Variants in NAV3 observed in about 807,000 individuals in gnomAD.
NAV3 encodes neuron navigator 3, also known as pore membrane and/or filament interacting like protein 1.
Under a neutral mutation model 244.7 loss-of-function variants are expected in NAV3, and 87 were observed. The ratio of observed to expected loss-of-function variants is 0.36; its 90% CI spans 0.30 to 0.42. The LOEUF is 0.42. Among genes scored for constraint, NAV3 ranks in the 20% least tolerant of loss-of-function variants. The pLI is 1.00. For synonymous variants in NAV3, 1,126 were observed against 1,042.2 expected, an observed-to-expected ratio of 1.08 and a Z score of -1.55; for missense variants, 2,663 against 2,893.3, an observed-to-expected ratio of 0.92 and a Z score of 1.83.
At chr12:77,875,949 G>A (rs1160454796) in intron 1 of NAV3, among the ~76,000 whole-genome samples, 3 of 151,902 alleles carry the variant, frequency 2.0e-5, no homozygotes, top group Admixed American at 2.0e-4. Flanking sequence ...TAACTTTGTG[G>A]CTCAGGTCCT....
intron 1 of NAV3, among the ~76,000 whole-genome samples, chr12:77,878,508 C>T (rs141641419): frequency 3.3e-5 from 5 of 152,026 alleles, no homozygotes; most frequent in African/African-American, 7.2e-5. Context: ...GGGTTACAGG[C>T]GTGAACCACC....
At chr12:77,987,279 C>T (rs544078242) in intron 5 of NAV3, among the ~76,000 whole-genome samples, 1 of 152,236 alleles carries the variant, frequency 6.6e-6, no homozygotes, top group Non-Finnish European at 1.5e-5. Context: ...GAACGGAGTA[C>T]AGCTTATGGA....
chr12:78,211,522 C>CT lies in NAV3; in HGVS notation c.*1007dup, dbSNP rs1278761419. Reference sequence around the variant, plus strand: ...TAGGAGAAAGATCAGTATTTTTAGCCTTGTGAATAGATCGCTTTGCCTATC... The same window carrying CT: ...TAGGAGAAAGATCAGTATTTTTAGCCTTTGTGAATAGATCGCTTTGCCTATC... On this transcript the variant is annotated 3_prime_UTR_variant, in exon 40 of 40. Transcript: ENST00000397909. 6.7e-6 allele frequency: 1 copy of CT among 148,206 alleles called. No individual in the cohort carries two copies. Among genetic ancestry groups the CT allele is most frequent in the Admixed American group, 6.8e-5 (1 of 14,610 alleles). 9.2% of individuals were successfully genotyped at this position (148,206 alleles called of 1,614,324 possible).
At chr12:78,097,336 T>G (rs1954305204) in intron 12 of NAV3, among the ~76,000 whole-genome samples, 1 of 152,194 alleles carries the variant, frequency 6.6e-6, no homozygotes, top group Non-Finnish European at 1.5e-5. Flanking sequence ...AGCAGTTGGC[T>G]GTTTGTGCTA....
chr12:77,742,513 AAAT>A (rs925615617), intron 2 of NAV3, among the ~76,000 whole-genome samples: 2 of 146,956 alleles, frequency 1.4e-5, no homozygotes, highest in Non-Finnish European at 2.9e-5. Context: ...ATATCAAAAA[AAAT>A]AAGAAAGAGT....
chr12:77,966,661 T>A (rs906069378), intron 4 of NAV3, among the ~76,000 whole-genome samples: 7 of 152,066 alleles, frequency 4.6e-5, no homozygotes, highest in Non-Finnish European at 1.0e-4. Flanking sequence ...AATATTTTAA[T>A]TAAGGCTTAA....
At chr12:77,852,980 G>T (rs536896025) in intron 1 of NAV3, among the ~76,000 whole-genome samples, 1 of 152,202 alleles carries the variant, frequency 6.6e-6, no homozygotes, top group Non-Finnish European at 1.5e-5. Context: ...AGCGATGTCT[G>T]TTGGGTAGAT....
At chr12:77,696,943 T>G (rs1389609456) in intron 2 of NAV3, among the ~76,000 whole-genome samples, 1 of 152,178 alleles carries the variant, frequency 6.6e-6, no homozygotes, top group Non-Finnish European at 1.5e-5. Flanking sequence ...AGTACCTGTT[T>G]AGTTCATTAG....
chr12:77,951,534 A>G (rs2137655232), intron 3 of NAV3, among the ~76,000 whole-genome samples: 1 of 152,344 alleles, frequency 6.6e-6, no homozygotes, highest in South Asian at 2.1e-4. Context: ...ATCTGGAACT[A>G]GAAATACCAT....
chr12:77,617,473 G>A (rs1231086291), intron 2 of NAV3, among the ~76,000 whole-genome samples: 1 of 152,226 alleles, frequency 6.6e-6, no homozygotes, highest in African/African-American at 2.4e-5. Context: ...ACTATGGAGA[G>A]AGGCATATGA....
intron 2 of NAV3, among the ~76,000 whole-genome samples, chr12:77,672,008 C>T (rs768976813): frequency 1.3e-5 from 2 of 151,946 alleles, no homozygotes; most frequent in African/African-American, 2.4e-5. Context: ...TCTATGCCTC[C>T]GACAAAAGAC....
chr12:78,198,514 A>G (rs1283560620), intron 35 of NAV3, 91 bp from the exon 36 acceptor site: 2 of 723,390 alleles, frequency 2.8e-6, no homozygotes, highest in Non-Finnish European at 4.6e-6. Flanking sequence ...GGAATAATCC[A>G]TATCTATCCT....
At chr12:77,973,853 C>G (rs551497664) in intron 5 of NAV3, among the ~76,000 whole-genome samples, 2 of 151,136 alleles carry the variant, frequency 1.3e-5, no homozygotes, top group Admixed American at 6.6e-5. Context: ...ATAGTGTGCC[C>G]TTTAAAAAAA....
rs138965704 is a variant in NAV3, at chr12:77,833,189, A to C, written c.243+1485A>C. On this transcript the variant is annotated intron_variant, in intron 1 of 39. Transcript: ENST00000397909. ...ATAATTTCTTTTAATTATCTGGATA[A>C]TTTATTTGTATCTCCACTAAGTTGA... Among the ~76,000 whole-genome samples the C allele has an allele frequency of 2.4e-3, 360 of 152,258 alleles. 1 individual carries two copies. Among genetic ancestry groups the C allele is most frequent in the African/African-American group, 8.4e-3 (347 of 41,546 alleles).
At chr12:78,138,643 G>T (rs1320728238) in intron 19 of NAV3, among the ~76,000 whole-genome samples, 2 of 152,102 alleles carry the variant, frequency 1.3e-5, no homozygotes, top group Non-Finnish European at 2.9e-5. Flanking sequence ...TTCTGAAATG[G>T]TTCTGTTGCT....
At chr12:78,068,336 A>G (rs2137569014) in intron 12 of NAV3, among the ~76,000 whole-genome samples, 1 of 151,628 alleles carries the variant, frequency 6.6e-6, no homozygotes, top group East Asian at 1.9e-4. Context: ...TCATGCCTGG[A>G]TGAAATATTT....
intron 2 of NAV3, among the ~76,000 whole-genome samples, chr12:77,774,771 G>A (rs1195851796): frequency 1.3e-5 from 2 of 151,984 alleles, no homozygotes; most frequent in South Asian, 2.1e-4. Flanking sequence ...ATGGGCTGGC[G>A]AAAGACTATA....
chr12:78,200,616 A>AT (rs34801447), intron 38 of NAV3, 25 bp downstream of exon 38: 368 of 1,134,788 alleles, frequency 3.2e-4, no homozygotes, highest in Admixed American at 9.7e-4. Flanking sequence ...TTTCATTGCT[A>AT]TTTTTTTTTA....
At chr12:77,911,023 A>T (rs1220369715) in intron 1 of NAV3, among the ~76,000 whole-genome samples, 1 of 152,094 alleles carries the variant, frequency 6.6e-6, no homozygotes, top group African/African-American at 2.4e-5. Context: ...CTATCTTTTT[A>T]TACCTCAACC....
Sources: allele counts gnomAD v4.1 joint callset (sites outside exome capture counted in the v4.1 genomes callset), GRCh38; gene constraint gnomAD v4.1.1; transcripts MANE v1.5; gene names NCBI Gene and HGNC (gene_info 2026-07-23, HGNC 2026-07-21).